Variants in CENPP observed in about 807,000 individuals in gnomAD.
The protein encoded by CENPP is centromere protein P.
CENPP carries 24 observed loss-of-function variants against 35.6 expected under a neutral mutation model. That is an observed-to-expected ratio of 0.67 (90% CI 0.49 to 0.95). CENPP has a LOEUF of 0.95. Among genes scored for constraint, CENPP ranks in the 40% least tolerant of loss-of-function variants. The pLI is 0.00. For synonymous variants in CENPP, 120 were observed against 125.5 expected, an observed-to-expected ratio of 0.96 and a Z score of 0.29; for missense variants, 332 against 345.3, an observed-to-expected ratio of 0.96 and a Z score of 0.31.
chr9:92,583,403 G>A (rs1850473515), intron 5 of CENPP, among the ~76,000 whole-genome samples: 1 of 152,172 alleles, frequency 6.6e-6, no homozygotes, highest in Non-Finnish European at 1.5e-5. Context: ...GTGTAACCTA[G>A]TGCAAGCTTT....
At position 92,522,334 on chromosome 9, in the gene CENPP, C is replaced by T. The variant is rs191621927; in HGVS notation, c.565-88980C>T. On this transcript the variant is annotated intron_variant, in intron 5 of 7. Transcript: ENST00000375587. ...AACTCCTGACCTCGTGATCTGCCCA[C>T]CTCTGCCTCCCAAAGTGCTGGGATT... 2.4e-3 allele frequency among the ~76,000 whole-genome samples: 366 copies of T among 152,288 alleles called. 1 individual carries two copies. Among genetic ancestry groups the T allele is most frequent in the African/African-American group, 8.4e-3 (350 of 41,564 alleles).
At chr9:92,459,685 T>G (rs1845023493) in intron 5 of CENPP, 1 of 1,613,124 alleles carries the variant, frequency 6.2e-7, no homozygotes, top group African/African-American at 1.3e-5. Flanking sequence ...AGTTTATTGT[T>G]TTCCAAATGT....
intron 5 of CENPP, among the ~76,000 whole-genome samples, chr9:92,599,115 CAA>C (rs376669785): frequency 1.5e-5 from 2 of 137,594 alleles, no homozygotes. Flanking sequence ...GACTCTGTGT[CAA>C]AAAAAAAAAG....
intron 5 of CENPP, among the ~76,000 whole-genome samples, chr9:92,475,511 T>C (rs183851943): frequency 6.6e-6 from 1 of 152,340 alleles, no homozygotes; most frequent in African/African-American, 2.4e-5. Context: ...GCAATGAGTA[T>C]TACCTTTATA....
chr9:92,598,055 C>G (rs1850823442), intron 5 of CENPP, among the ~76,000 whole-genome samples: 1 of 152,220 alleles, frequency 6.6e-6, no homozygotes, highest in Admixed American at 6.5e-5. Context: ...TCTTTTAGTT[C>G]CATTTTCTAG....
At chr9:92,521,198 C>G (rs1848048926) in intron 5 of CENPP, among the ~76,000 whole-genome samples, 1 of 152,130 alleles carries the variant, frequency 6.6e-6, no homozygotes, top group African/African-American at 2.4e-5. Context: ...ATCTTCTGTA[C>G]TTTTATGCAT....
chr9:92,381,411 A>G (rs568118678), intron 5 of CENPP, among the ~76,000 whole-genome samples: 65 of 151,994 alleles, frequency 4.3e-4, no homozygotes, highest in Middle Eastern at 6.8e-3. Flanking sequence ...CAGCCTCCCA[A>G]GTAGCTGGGA....
intron 5 of CENPP, among the ~76,000 whole-genome samples, chr9:92,458,812 C>G (rs929684473): frequency 1.3e-5 from 2 of 152,052 alleles, no homozygotes; most frequent in Non-Finnish European, 2.9e-5. Flanking sequence ...AAAGTCAAAG[C>G]AAAAGTTGTG....
chr9:92,374,462 T>C (rs1294090338), intron 4 of CENPP, among the ~76,000 whole-genome samples: 2 of 152,178 alleles, frequency 1.3e-5, no homozygotes, highest in African/African-American at 4.8e-5. Flanking sequence ...CACCTCGGCC[T>C]CCCAATCTTT....
chr9:92,522,803 T>C, intron 5 of CENPP: 1 of 1,613,070 alleles, frequency 6.2e-7, no homozygotes, highest in Middle Eastern at 1.7e-4. Context: ...ATTTCTTCAT[T>C]TTTTCCAAAG....
At chr9:92,586,764 T>C (rs1283937812) in intron 5 of CENPP, among the ~76,000 whole-genome samples, 2 of 152,116 alleles carry the variant, frequency 1.3e-5, no homozygotes, top group African/African-American at 2.4e-5. Context: ...CAATGAGATA[T>C]TGTAACAAAG....
At position 92,620,133 on chromosome 9, in the gene CENPP, C is replaced by T. The variant is rs993426558; in HGVS notation, c.*6984C>T. ...ACAGGGCAGCACGGCCGGCGTCCCA[C>T]TTTACAGACAAGCAACAGACACAGA... On this transcript the variant is annotated 3_prime_UTR_variant, in exon 8 of 8. Coordinates refer to ENST00000375587, the MANE Select transcript of CENPP (RefSeq NM_001012267.3). The T allele has an allele frequency of 6.4e-6, 1 of 156,960 alleles. No individual in the cohort carries two copies. Among genetic ancestry groups the T allele is most frequent in the Non-Finnish European group, 1.4e-5 (1 of 70,476 alleles). The allele number at this position is 156,960 out of a possible 1,614,324, so 9.7% of individuals were successfully genotyped here.
chr9:92,474,908 T>G lies in CENPP; in HGVS notation c.564+95049T>G, dbSNP rs766571754. 4.4e-6 allele frequency: 7 copies of G among 1,605,062 alleles called. No homozygotes were observed. The African/African-American group carries it at 9.4e-5, about 22-fold the overall frequency. ...CACATACTCCTTCATGGTGTCTTAG[T>G]GTAGAAGACCAGTCTAGGACTAAAC... On this transcript the variant is annotated intron_variant, in intron 5 of 7. Transcript: ENST00000375587.
At chr9:92,580,240 C>T (rs1850387608) in intron 5 of CENPP, among the ~76,000 whole-genome samples, 2 of 152,062 alleles carry the variant, frequency 1.3e-5, no homozygotes, top group Admixed American at 1.3e-4. Context: ...CAATGTTCAT[C>T]AAGGATATTG....
chr9:92,604,325 G>A lies in CENPP; in HGVS notation c.565-6989G>A, dbSNP rs1321656074. ...CTTTTGCACATTTAACCAAATAAGA[G>A]ATGTGCAAAAGATACGTCACTAGTT... On this transcript the variant is annotated intron_variant, in intron 5 of 7. Transcript: ENST00000375587. Among the ~76,000 whole-genome samples, 6 of 152,304 alleles carry A rather than the reference G, an allele frequency of 3.9e-5. No homozygotes were observed. The East Asian group carries it at 1.2e-3, about 29-fold the overall frequency.
chr9:92,331,514 T>C (rs1326670034), intron 1 of CENPP, among the ~76,000 whole-genome samples: 1 of 152,236 alleles, frequency 6.6e-6, no homozygotes, highest in African/African-American at 2.4e-5. Context: ...TTAAAATAAT[T>C]TGAGAGATAT....
At chr9:92,369,612 G>A (rs1238179846) in intron 4 of CENPP, among the ~76,000 whole-genome samples, 1 of 152,198 alleles carries the variant, frequency 6.6e-6, no homozygotes, top group Non-Finnish European at 1.5e-5. Context: ...AAAGCAATGA[G>A]CATGGGATGT....
At chr9:92,386,325 T>C (rs768425791) in intron 5 of CENPP, 6 of 1,410,396 alleles carry the variant, frequency 4.3e-6, no homozygotes, top group African/African-American at 1.4e-5. Context: ...GTGAGTGTTA[T>C]TGAGGTTCTG....
intron 5 of CENPP, among the ~76,000 whole-genome samples, chr9:92,549,886 A>C (rs1849551862): frequency 6.6e-6 from 1 of 152,160 alleles, no homozygotes; most frequent in Non-Finnish European, 1.5e-5. Context: ...AATAATGGCC[A>C]ATGTGGACAA....
Sources: gnomAD v4.1 joint callset for allele counts (sites outside exome capture counted in the v4.1 genomes callset) on GRCh38, gnomAD v4.1.1 for gene constraint, MANE v1.5 for transcripts, NCBI Gene and HGNC (gene_info 2026-07-23, HGNC 2026-07-21) for gene names.